Variants in OPCML observed in about 807,000 individuals in gnomAD.
The protein encoded by OPCML is opioid binding protein/cell adhesion molecule like, also known as opioid-binding protein/cell adhesion molecule.
Under a neutral mutation model 37.8 loss-of-function variants are expected in OPCML, and 13 were observed. The ratio of observed to expected loss-of-function variants is 0.34; its 90% confidence interval spans 0.22 to 0.55. The LOEUF (loss-of-function observed/expected upper bound fraction) is 0.55, where lower values mean the gene tolerates loss of function less well. Ranked by LOEUF, OPCML falls within the 20% of genes least tolerant of loss-of-function variation. The probability of loss-of-function intolerance (pLI) is 0.91; values close to 1 mark genes in which losing one functional copy is unlikely to be tolerated. For missense variants in OPCML, 341 were observed against 435.6 expected (o/e 0.78, Z 1.93); for synonymous variants, 176 against 168.8 (o/e 1.04, Z -0.33).
At chr11:132,940,676 A>G (rs1056910555) in intron 2 of OPCML, among the ~76,000 whole-genome samples, 1 of 152,234 alleles carries the variant, frequency 6.6e-6, no homozygotes, top group East Asian at 1.9e-4. Context: ...GAGTGAAAAC[A>G]AAAGGAGAGA....
chr11:133,358,704 G>C (rs1232583375), intron 1 of OPCML, among the ~76,000 whole-genome samples: 1 of 152,164 alleles, frequency 6.6e-6, no homozygotes, highest in African/African-American at 2.4e-5. Flanking sequence ...ATGAGACAGT[G>C]GGGTAAGCAC....
At chr11:132,577,929 C>T (rs1365683507) in intron 3 of OPCML, among the ~76,000 whole-genome samples, 1 of 152,112 alleles carries the variant, frequency 6.6e-6, no homozygotes, top group African/African-American at 2.4e-5. Context: ...CATAGTTATA[C>T]TGATACCAGT....
At chr11:133,180,497 C>T (rs1473194265) in intron 1 of OPCML, among the ~76,000 whole-genome samples, 1 of 152,122 alleles carries the variant, frequency 6.6e-6, no homozygotes, top group Non-Finnish European at 1.5e-5. Flanking sequence ...ATGGAAACAG[C>T]CTGCAAGAGG....
intron 4 of OPCML, among the ~76,000 whole-genome samples, chr11:132,514,242 A>G (rs994371118): frequency 1.5e-4 from 23 of 152,214 alleles, no homozygotes; most frequent in African/African-American, 4.3e-4. Context: ...ATGCCATGGC[A>G]TGGTTTTATG....
At chr11:133,513,585 A>G (rs1205036480) in intron 1 of OPCML, among the ~76,000 whole-genome samples, 1 of 152,210 alleles carries the variant, frequency 6.6e-6, no homozygotes, top group African/African-American at 2.4e-5. Flanking sequence ...TTGTTTATGC[A>G]AAAGACTGCA....
At chr11:132,568,816 T>C (rs1435181911) in intron 3 of OPCML, among the ~76,000 whole-genome samples, 1 of 152,210 alleles carries the variant, frequency 6.6e-6, no homozygotes, top group Admixed American at 6.5e-5. Flanking sequence ...GCCATTAAAA[T>C]CCATTTATTT....
chr11:132,745,607 A>AG lies in OPCML; in HGVS notation c.147-88289_147-88288insC, dbSNP rs1305379964. Among the ~76,000 whole-genome samples the AG allele has an allele frequency of 2.3e-3, 335 of 146,792 alleles. 7 individuals are homozygous for AG. The highest frequency in any genetic ancestry group is 3.2e-3 in the Non-Finnish European group (214 of 66,358). On this transcript the variant is annotated intron_variant, in intron 2 of 7. Transcript: ENST00000524381. Reference sequence around the variant, plus strand: ...AAGAAAGAAAGAAAGAAAGAAAGAAAAAAAAAGGACAATGGTCTTAAGCTT... The same window carrying AG: ...AAGAAAGAAAGAAAGAAAGAAAGAAAGAAAAAAGGACAATGGTCTTAAGCTT...
chr11:133,056,312 A>G (rs1948238150), intron 1 of OPCML, among the ~76,000 whole-genome samples: 1 of 152,256 alleles, frequency 6.6e-6, no homozygotes. Flanking sequence ...TGAGAGGCTC[A>G]GTGAACATGA....
chr11:132,618,019 C>G (rs1939145999), intron 3 of OPCML, among the ~76,000 whole-genome samples: 1 of 152,156 alleles, frequency 6.6e-6, no homozygotes. Context: ...TGGCTTAATA[C>G]AACTCTACTG....
chr11:132,465,771 T>C (rs1291787133), intron 4 of OPCML, among the ~76,000 whole-genome samples: 1 of 152,212 alleles, frequency 6.6e-6, no homozygotes, highest in Non-Finnish European at 1.5e-5. Context: ...CTCACACTTA[T>C]ACAAATATCT....
At chr11:132,472,205 T>C (rs1325909494) in intron 4 of OPCML, among the ~76,000 whole-genome samples, 5 of 152,220 alleles carry the variant, frequency 3.3e-5, no homozygotes, top group Admixed American at 3.3e-4. Context: ...GCAACATGTG[T>C]TTTTGTTTGG....
At chr11:132,434,372 G>A (rs1199477113) in intron 7 of OPCML, among the ~76,000 whole-genome samples, 1 of 152,204 alleles carries the variant, frequency 6.6e-6, no homozygotes, top group Non-Finnish European at 1.5e-5. Context: ...AGTTCTGGAA[G>A]CAGAGCTGAG....
At chr11:132,932,839 C>T (rs1591819862) in intron 2 of OPCML, among the ~76,000 whole-genome samples, 1 of 151,906 alleles carries the variant, frequency 6.6e-6, no homozygotes, top group African/African-American at 2.4e-5. Flanking sequence ...CTCCCATCAG[C>T]CCAGTGAAGT....
intron 2 of OPCML, among the ~76,000 whole-genome samples, chr11:132,732,986 C>T (rs1939829345): frequency 6.6e-6 from 1 of 152,166 alleles, no homozygotes. Context: ...AAGATAGTTT[C>T]TCTGGAAGAT....
intron 1 of OPCML, among the ~76,000 whole-genome samples, chr11:133,228,968 C>A (rs1940159434): frequency 6.6e-6 from 1 of 152,162 alleles, no homozygotes; most frequent in Non-Finnish European, 1.5e-5. Context: ...GTCCCAGTGG[C>A]ACCGCGTAAT....
At chr11:133,390,024 T>C (rs1291833844) in intron 1 of OPCML, among the ~76,000 whole-genome samples, 1 of 152,198 alleles carries the variant, frequency 6.6e-6, no homozygotes, top group Non-Finnish European at 1.5e-5. Flanking sequence ...AAGACAGTCA[T>C]AAAAATACCT....
chr11:133,442,409 A>T (rs907428897), intron 1 of OPCML, among the ~76,000 whole-genome samples: 4 of 152,210 alleles, frequency 2.6e-5, no homozygotes, highest in African/African-American at 9.6e-5. Flanking sequence ...TTTAAAGCAT[A>T]CTACTTGACC....
intron 7 of OPCML, among the ~76,000 whole-genome samples, chr11:132,429,034 GGGATGGATGGATGGATGGATGGAT>G (rs71477763): frequency 6.8e-6 from 1 of 146,468 alleles, no homozygotes. Context: ...AATGGATGGA[GGGATGGATGGATGGATGGATGGAT>G]GGATGGATGG....
At chr11:133,266,223 C>G (rs538708780) in intron 1 of OPCML, among the ~76,000 whole-genome samples, 133 of 152,212 alleles carry the variant, frequency 8.7e-4, no homozygotes, top group African/African-American at 2.6e-3. Flanking sequence ...CAATGCTTCC[C>G]TCCTTCAACC....
Sources: allele counts gnomAD v4.1 joint callset (sites outside exome capture counted in the v4.1 genomes callset), GRCh38; gene constraint gnomAD v4.1.1; transcripts MANE v1.5; gene names NCBI Gene and HGNC (gene_info 2026-07-23, HGNC 2026-07-21).